The following COQ2 variants were observed in gnomAD, a reference collection of about 807,000 sequenced individuals.
The protein encoded by COQ2 is 4-hydroxybenzoate polyprenyltransferase, mitochondrial.
Under a neutral mutation model 35.7 loss-of-function variants are expected in COQ2, and 25 were observed. The ratio of observed to expected loss-of-function variants is 0.70; its 90% CI spans 0.51 to 0.98. The LOEUF (loss-of-function observed/expected upper bound fraction) is 0.98. Ranked by LOEUF, COQ2 falls within the 50% of genes least tolerant of loss-of-function variation. The pLI is 0.00. For missense variants in COQ2, 488 were observed against 473.5 expected, an observed-to-expected ratio of 1.03 and a Z score of -0.28; for synonymous variants, 206 against 186.2, an observed-to-expected ratio of 1.11 and a Z score of -0.86.
At chr4:83,277,011 G>T (rs1735200246) in intron 2 of COQ2, among the ~76,000 whole-genome samples, 1 of 143,046 alleles carries the variant, frequency 7.0e-6, no homozygotes, top group South Asian at 2.6e-4. Context: ...CATACAGAGT[G>T]GAATAATAGA....
At chr4:83,276,957 T>G (rs1735199115) in intron 2 of COQ2, among the ~76,000 whole-genome samples, 1 of 151,726 alleles carries the variant, frequency 6.6e-6, no homozygotes, top group South Asian at 2.1e-4. Context: ...CAAAACCACA[T>G]GTTCTCACTT....
At chr4:83,271,805 C>A (rs1434827073) in intron 4 of COQ2, among the ~76,000 whole-genome samples, 2 of 151,834 alleles carry the variant, frequency 1.3e-5, no homozygotes, top group African/African-American at 4.8e-5. Context: ...AGATCAAGAC[C>A]CTGTCTCAGA....
chr4:83,282,853 C>T (rs965055641), intron 1 of COQ2, among the ~76,000 whole-genome samples: 3 of 152,154 alleles, frequency 2.0e-5, no homozygotes, highest in Admixed American at 2.0e-4. Flanking sequence ...GCTCATAACC[C>T]CTTTGTTGCC....
At chr4:83,267,819 A>G (rs1429131631) in intron 5 of COQ2, 45 bp from the exon 6 acceptor site, 21 of 1,450,286 alleles carry the variant, frequency 1.4e-5, no homozygotes, top group African/African-American at 2.9e-5. Context: ...GATTTAGTTC[A>G]CACACCATAA....
In COQ2 at chr4:83,264,149, ATT is replaced by A. The variant is rs777220100; in HGVS notation, c.*48_*49del. On this transcript the variant is annotated 3_prime_UTR_variant, in exon 7 of 7. Transcript: ENST00000647002. ...GTATCAGATTTTGTATTCAAATCTA[ATT>A]ATATTTTGTAAAAAATGTTTTAAAA... is the stretch of plus-strand genomic sequence containing the variant. The A allele has an allele frequency of 8.5e-6, 8 of 943,670 alleles. No individual in the cohort carries two copies. The highest frequency in any genetic ancestry group is 3.6e-5 in the South Asian group (2 of 56,186). The allele number at this position is 943,670 out of a possible 1,614,324, so 58.5% of individuals were successfully genotyped here.
chr4:83,284,426 C>G (rs1735401001), intron 1 of COQ2, 86 bp downstream of exon 1: 3 of 1,458,990 alleles, frequency 2.1e-6, no homozygotes, highest in Non-Finnish European at 2.7e-6. Flanking sequence ...CATCACGCCC[C>G]GGCCGGCCGC....
chr4:83,273,397 C>A, intron 3 of COQ2, 99 bp downstream of exon 3: 1 of 1,278,428 alleles, frequency 7.8e-7, no homozygotes, highest in South Asian at 1.4e-5. Flanking sequence ...TAATAAGTAG[C>A]AAATGAACAA....
chr4:83,275,989 AT>A (rs1368839359), intron 2 of COQ2, among the ~76,000 whole-genome samples: 4 of 138,088 alleles, frequency 2.9e-5, no homozygotes, highest in Admixed American at 7.0e-5. Context: ...ATTCATATAT[AT>A]TTTTATATAG....
intron 2 of COQ2, among the ~76,000 whole-genome samples, chr4:83,276,033 TAATATATAA>T (rs1417585297): frequency 1.3e-4 from 3 of 22,246 alleles, no homozygotes; most frequent in African/African-American, 2.2e-4. Flanking sequence ...TATTTTTATA[TAATATATAA>T]AATATATATT....
At chr4:83,283,760 C>T (rs1416135862) in intron 1 of COQ2, 1 of 985,420 alleles carries the variant, frequency 1.0e-6, no homozygotes, top group African/African-American at 1.7e-5. Flanking sequence ...AGAAGCCAAT[C>T]AATCAACAAG....
chr4:83,282,539 T>C (rs1033010470), intron 1 of COQ2: 16 of 838,814 alleles, frequency 1.9e-5, no homozygotes, highest in Non-Finnish European at 2.3e-5. Flanking sequence ...TCACCTTATT[T>C]AGAACCAAAC....
intron 4 of COQ2, among the ~76,000 whole-genome samples, chr4:83,271,060 G>GA (rs541614436): frequency 8.7e-4 from 133 of 152,060 alleles, no homozygotes; most frequent in African/African-American, 3.1e-3. Flanking sequence ...TTCATTTACT[G>GA]AAAAAAATGA....
At chr4:83,270,424 C>T (rs550758787) in intron 4 of COQ2, among the ~76,000 whole-genome samples, 1 of 152,086 alleles carries the variant, frequency 6.6e-6, no homozygotes, top group Non-Finnish European at 1.5e-5. Context: ...AATATACATA[C>T]GAACACTGAT....
rs1347408557 is a variant in COQ2 at position 83,284,765 on chromosome 4, G to A, written c.-1C>T. On this transcript the variant is annotated 5_prime_UTR_variant, in exon 1 of 7. Transcript: ENST00000647002. ...ACCCCGCGGCTCGCGAGCCCAGCAT[G>A]GCGCTGGTGAGGCCGGGACGAGCTC... is the stretch of plus-strand genomic sequence containing the variant. 3.2e-6 allele frequency: 5 copies of A among 1,550,940 alleles called. No homozygotes were observed. Among genetic ancestry groups the A allele is most frequent in the African/African-American group, 2.8e-5 (2 of 72,190 alleles).
rs1735416755 is a variant in COQ2, at chr4:83,284,647, C to T, written c.118G>A (p.Gly40Ser). The T allele has an allele frequency of 3.4e-6, 5 of 1,469,162 alleles. No homozygotes were observed. The highest frequency in any genetic ancestry group is 4.5e-6 in the Non-Finnish European group (5 of 1,115,138). 91.0% of individuals were successfully genotyped at this position (1,469,162 alleles called of 1,614,324 possible). Residue 40 changes from glycine to serine, a missense_variant, in exon 1 of 7, where the codon GGT (glycine) becomes AGT (serine). By Grantham distance (56) the Gly-to-Ser change is moderately conservative (BLOSUM62 0). Coordinates refer to ENST00000647002, the MANE Select transcript of COQ2 (RefSeq NM_001358921.2). The part of the protein sequence containing the change: ...ALARAAGAPH[G>S]GDLQPPACPE... ...CAGGCGGGGGGCTGCAAGTCACCAC[C>T]GTGGGGCGCGCCTGCCGCACGCGCC...
rs75080282 is a variant in COQ2 at position 83,271,810 on chromosome 4, C to G, written c.628+277G>C. ...CCTGAGCAACAGATCAAGACCCTGT[C>G]TCAGAGAAGAGGGGAGAGGAGAGTG... is the stretch of plus-strand genomic sequence containing the variant. On this transcript the variant is annotated intron_variant, in intron 4 of 6. Transcript: ENST00000647002. 0.016 allele frequency among the ~76,000 whole-genome samples: 2,450 copies of G among 151,902 alleles called. 68 individuals are homozygous for G. The highest frequency in any genetic ancestry group is 0.056 in the African/African-American group (2,325 of 41,358).
upstream of COQ2, chr4:83,284,808 C>G (rs746627973): frequency 6.4e-7 from 1 of 1,569,496 alleles, no homozygotes; most frequent in Admixed American, 1.8e-5. Context: ...CGTCATTCCC[C>G]GGCAGGCATG....
rs1005113698 is a variant in COQ2, at chr4:83,267,062, C to T, written c.951+524G>A. 4 of 410,144 alleles carry T rather than the reference C, an allele frequency of 9.8e-6. No individual in the cohort carries two copies. In the East Asian group the frequency reaches 2.3e-4, roughly 24 times the overall value. 25.4% of individuals were successfully genotyped at this position (410,144 alleles called of 1,614,324 possible). ...TCAGATGGGAAAATTTGGATTTAGG[C>T]CTATATTATTTTTAAAAAATAATAT... On this transcript the variant is annotated intron_variant, in intron 6 of 6. Transcript: ENST00000647002.
chr4:83,272,908 G>A (rs1256147357), intron 3 of COQ2, among the ~76,000 whole-genome samples: 1 of 152,100 alleles, frequency 6.6e-6, no homozygotes, highest in Non-Finnish European at 1.5e-5. Context: ...TGCTATCAGG[G>A]CAAGGCACGC....
Sources: allele counts gnomAD v4.1 joint callset (sites outside exome capture counted in the v4.1 genomes callset), GRCh38; gene constraint gnomAD v4.1.1; transcripts MANE v1.5; gene names NCBI Gene and HGNC (gene_info 2026-07-23, HGNC 2026-07-21).